The following C8orf34 variants were observed in gnomAD, a reference collection of about 807,000 sequenced individuals.
C8orf34 encodes uncharacterized protein C8orf34.
C8orf34 carries 65 observed loss-of-function variants against 68.3 expected under a neutral mutation model. The ratio of observed to expected loss-of-function variants is 0.95; its 90% confidence interval spans 0.78 to 1.17. C8orf34 has a LOEUF of 1.17. Among genes scored for constraint, C8orf34 ranks in the 50% most tolerant of loss-of-function variants. The pLI, the probability that C8orf34 is intolerant of heterozygous loss-of-function variation, is 0.00. For synonymous variants in C8orf34, 244 were observed against 241.2 expected (o/e 1.01, Z -0.11); for missense variants, 664 against 655.4 (o/e 1.01, Z -0.14).
intron 5 of C8orf34, among the ~76,000 whole-genome samples, chr8:68,494,919 T>C (rs1267737518): frequency 6.6e-6 from 1 of 150,798 alleles, no homozygotes; most frequent in African/African-American, 2.4e-5. Flanking sequence ...TATATATATA[T>C]CTCAAAAAAT....
intron 1 of C8orf34, among the ~76,000 whole-genome samples, chr8:68,432,924 TGA>T (rs1357159010): frequency 1.7e-4 from 26 of 152,194 alleles, no homozygotes; most frequent in African/African-American, 6.3e-4. Flanking sequence ...AAAAATAGAA[TGA>T]GAGAAAAGGC....
At chr8:68,551,282 T>C (rs945187670) in intron 7 of C8orf34, among the ~76,000 whole-genome samples, 14 of 152,120 alleles carry the variant, frequency 9.2e-5, no homozygotes, top group Non-Finnish European at 1.6e-4. Context: ...TTTTCAGCCA[T>C]GTCCAGTCTA....
chr8:68,534,651 TGTAGGTTTGCTCAC>T, intron 7 of C8orf34: 1 of 985,450 alleles, frequency 1.0e-6, no homozygotes, highest in Non-Finnish European at 1.2e-6. Flanking sequence ...GTGTGGTCAT[TGTAGGTTTGCTCAC>T]GTAGGTATGG....
intron 7 of C8orf34, among the ~76,000 whole-genome samples, chr8:68,575,089 T>G (rs1467584184): frequency 6.6e-6 from 1 of 152,014 alleles, no homozygotes; most frequent in Admixed American, 6.6e-5. Flanking sequence ...ATATCTATAT[T>G]AATTATCCTA....
intron 10 of C8orf34, among the ~76,000 whole-genome samples, chr8:68,745,030 G>C (rs1822439593): frequency 6.6e-6 from 1 of 152,126 alleles, no homozygotes; most frequent in Non-Finnish European, 1.5e-5. Context: ...ACTAACAGCG[G>C]ATCTCTCGGC....
intron 2 of C8orf34, among the ~76,000 whole-genome samples, chr8:68,443,662 T>C (rs1204843266): frequency 1.3e-5 from 2 of 152,036 alleles, no homozygotes; most frequent in Non-Finnish European, 2.9e-5. Context: ...CACCTCGGCC[T>C]CCCAAAGTGC....
At chr8:68,753,901 G>T (rs536565562) in intron 10 of C8orf34, among the ~76,000 whole-genome samples, 5 of 152,130 alleles carry the variant, frequency 3.3e-5, no homozygotes, top group African/African-American at 1.2e-4. Context: ...TCTGCTCCTG[G>T]CCAGGAATAG....
At chr8:68,441,918 T>C (rs981824843) in intron 2 of C8orf34, among the ~76,000 whole-genome samples, 4 of 152,214 alleles carry the variant, frequency 2.6e-5, no homozygotes, top group Non-Finnish European at 4.4e-5. Context: ...TATTGATGAT[T>C]TTAATTTCTT....
chr8:68,667,414 T>C (rs562248885), intron 8 of C8orf34, among the ~76,000 whole-genome samples: 1 of 152,300 alleles, frequency 6.6e-6, no homozygotes, highest in South Asian at 2.1e-4. Flanking sequence ...GTCAACAGTT[T>C]AATTATTATC....
chr8:68,745,330 T>C lies in C8orf34; in HGVS notation c.1404+23893T>C, dbSNP rs191745001. ...ACTAGGAAGAAACTGCATCAACTAA[T>C]GAGCAAAATAACCAGCTAACATCAT... is the stretch of plus-strand genomic sequence containing the variant. On this transcript the variant is annotated intron_variant, in intron 10 of 13. Coordinates refer to ENST00000518698, the MANE Select transcript of C8orf34 (RefSeq NM_052958.4). 1.3e-4 allele frequency among the ~76,000 whole-genome samples: 19 copies of C among 151,536 alleles called. 1 individual carries two copies. The highest frequency in any genetic ancestry group is 4.4e-4 in the African/African-American group (18 of 41,284).
At chr8:68,425,173 A>C (rs150138820) in intron 1 of C8orf34, among the ~76,000 whole-genome samples, 1 of 152,154 alleles carries the variant, frequency 6.6e-6, no homozygotes, top group Non-Finnish European at 1.5e-5. Flanking sequence ...TACAGCTAAC[A>C]TTATACTTAA....
At chr8:68,640,584 A>G in intron 8 of C8orf34, 73 bp downstream of exon 8, 1 of 1,409,144 alleles carries the variant, frequency 7.1e-7, no homozygotes. Context: ...TGATACAAAG[A>G]TTGTACTCTT....
At chr8:68,677,994 A>G (rs1820245910) in intron 8 of C8orf34, among the ~76,000 whole-genome samples, 1 of 152,164 alleles carries the variant, frequency 6.6e-6, no homozygotes, top group Non-Finnish European at 1.5e-5. Flanking sequence ...AGAAGTGGAT[A>G]AACTCCTAGA....
chr8:68,624,449 A>C (rs536530450), intron 7 of C8orf34, among the ~76,000 whole-genome samples: 1 of 152,212 alleles, frequency 6.6e-6, no homozygotes, highest in African/African-American at 2.4e-5. Context: ...CGGTATGTAC[A>C]TAAAAGCTGA....
At position 68,391,329 on chromosome 8, in the gene C8orf34, A is replaced by G. The variant is rs542000528; in HGVS notation, c.328-48170A>G. Reference sequence around the variant, plus strand: ...TGTAGGACAACCAGAGTTCTGTCACAAAAGTTTACAAATTCAAATTGGAAG... The same window carrying G: ...TGTAGGACAACCAGAGTTCTGTCACGAAAGTTTACAAATTCAAATTGGAAG... On this transcript the variant is annotated intron_variant, in intron 1 of 13. Transcript: ENST00000518698. Among the ~76,000 whole-genome samples the G allele has an allele frequency of 1.4e-4, 22 of 152,232 alleles. No homozygotes were observed. In the South Asian group the frequency reaches 4.6e-3, roughly 32 times the overall value.
chr8:68,555,347 A>ATATTCTACATATATGCATTTTATG (rs1484880664), intron 7 of C8orf34, among the ~76,000 whole-genome samples: 1 of 152,156 alleles, frequency 6.6e-6, no homozygotes, highest in Non-Finnish European at 1.5e-5. Context: ...TGCTTGATGC[A>ATATTCTACATATATGCATTTTATG]TAGCAATAAG....
intron 3 of C8orf34, among the ~76,000 whole-genome samples, chr8:68,451,536 A>G (rs1455249646): frequency 1.3e-5 from 2 of 152,046 alleles, no homozygotes; most frequent in African/African-American, 4.8e-5. Flanking sequence ...AGATTGGCCT[A>G]ATTTCAAAAT....
chr8:68,468,654 T>C, intron 3 of C8orf34, 38 bp from the exon 4 acceptor site: 1 of 1,602,640 alleles, frequency 6.2e-7, no homozygotes, highest in Non-Finnish European at 8.5e-7. Flanking sequence ...TGTCATTATG[T>C]AGCATGCTTA....
chr8:68,779,103 G>GGAGTTTGA (rs1282540412), intron 11 of C8orf34, among the ~76,000 whole-genome samples: 1 of 151,550 alleles, frequency 6.6e-6, no homozygotes, highest in East Asian at 2.0e-4. Flanking sequence ...CTTGAGCCCA[G>GGAGTTTGA]GAGTTTGAGT....
Sources: gnomAD v4.1 joint callset for allele counts (sites outside exome capture counted in the v4.1 genomes callset) on GRCh38, gnomAD v4.1.1 for gene constraint, MANE v1.5 for transcripts, NCBI Gene and HGNC (gene_info 2026-07-23, HGNC 2026-07-21) for gene names.